Variants in MAP3K2 observed in about 807,000 individuals in gnomAD.
The protein encoded by MAP3K2 is mitogen-activated protein kinase kinase kinase 2, also known as MAP/ERK kinase kinase 2.
A neutral mutation model predicts 80.3 loss-of-function variants in MAP3K2; 24 were observed. The ratio of observed to expected loss-of-function variants is 0.30; its 90% CI spans 0.22 to 0.42. The LOEUF is 0.42. Ranked by LOEUF, MAP3K2 falls within the 10% of genes least tolerant of loss-of-function variation. The pLI is 1.00. For synonymous variants in MAP3K2, 244 were observed against 253.7 expected, an observed-to-expected ratio of 0.96 and a Z score of 0.36; for missense variants, 608 against 750.1, an observed-to-expected ratio of 0.81 and a Z score of 2.21.
chr2:127,375,365 A>G (rs1687132589), intron 1 of MAP3K2, among the ~76,000 whole-genome samples: 1 of 151,568 alleles, frequency 6.6e-6, no homozygotes. Context: ...GACACCATTC[A>G]CTCCAGATAA....
intron 1 of MAP3K2, among the ~76,000 whole-genome samples, chr2:127,372,724 G>T (rs1687086906): frequency 6.6e-6 from 1 of 152,182 alleles, no homozygotes; most frequent in South Asian, 2.1e-4. Context: ...CCTTGACATT[G>T]CTCTCTCAAA....
chr2:127,359,761 G>A (rs775965737), intron 1 of MAP3K2, among the ~76,000 whole-genome samples: 7 of 151,998 alleles, frequency 4.6e-5, no homozygotes, highest in East Asian at 1.9e-4. Flanking sequence ...CACCTCCCCC[G>A]TCTCTCTCTT....
chr2:127,307,744 T>C lies in MAP3K2; in HGVS notation c.1695A>G (p.Glu565=), dbSNP rs750993802. The C allele has an allele frequency of 1.3e-6, 2 of 1,598,784 alleles. No individual in the cohort carries two copies. Among genetic ancestry groups the C allele is most frequent in the Middle Eastern group, 1.7e-4 (1 of 6,050 alleles). ...CGATTTTAAAGATGGCAGCCATTGC[T>C]TCAAATTCAGCCCAAGGCGGCTTTT... ...LTEKPPWAEF[E]AMAAIFKIAT... is the part of the protein sequence containing the mutation. Residue 565 remains glutamate (E), a synonymous_variant, in exon 17 of 17, where the codon GAA becomes GAG. Transcript: ENST00000682094. The surrounding 1 kb of genome is among the most constrained non-coding windows in gnomAD (Gnocchi z 5.4).
intron 3 of MAP3K2, among the ~76,000 whole-genome samples, chr2:127,338,028 G>A (rs1686406254): frequency 6.6e-6 from 1 of 152,166 alleles, no homozygotes; most frequent in Non-Finnish European, 1.5e-5. Flanking sequence ...AAGGTACCAG[G>A]AGTATGAGAC....
At chr2:127,325,932 T>A in intron 8 of MAP3K2, 125 bp from the exon 9 acceptor site, 1 of 653,200 alleles carries the variant, frequency 1.5e-6, no homozygotes. Context: ...AGTATACAAG[T>A]CAAGGCTTTT....
chr2:127,298,945 T>C lies in MAP3K2; in HGVS notation c.*8634A>G, dbSNP rs1573970872. ...TAAACATGGTTTCTTTTATATTAGA[T>C]TTTTTTTTAAAAAAAAGCTATTTAC... is the stretch of plus-strand genomic sequence containing the variant. On this transcript the variant is annotated 3_prime_UTR_variant, in exon 17 of 17. Coordinates refer to ENST00000682094, the MANE Select transcript of MAP3K2 (RefSeq NM_001371910.2). 1 of 64,070 alleles carries C rather than the reference T, an allele frequency of 1.6e-5. No individual in the cohort carries two copies. The highest frequency in any genetic ancestry group is 3.7e-5 in the Non-Finnish European group (1 of 27,166). 4.0% of individuals were successfully genotyped at this position (64,070 alleles called of 1,614,324 possible).
chr2:127,341,027 T>C (rs552786120), intron 2 of MAP3K2, among the ~76,000 whole-genome samples: 14 of 152,202 alleles, frequency 9.2e-5, no homozygotes, highest in Middle Eastern at 3.4e-3. Flanking sequence ...TCTCGCTCTA[T>C]TGCCCAGGAT....
chr2:127,323,596 G>A (rs568442231), intron 11 of MAP3K2, among the ~76,000 whole-genome samples: 10 of 152,014 alleles, frequency 6.6e-5, no homozygotes, highest in African/African-American at 2.2e-4. Flanking sequence ...AGGAAGCCAA[G>A]GCAGGAAGAT....
chr2:127,337,807 A>C, intron 3 of MAP3K2, 29 bp from the exon 4 acceptor site: 2 of 1,378,280 alleles, frequency 1.5e-6, no homozygotes, highest in Non-Finnish European at 2.0e-6. Context: ...TCAGTCTTTC[A>C]GAGATTAGAC....
At position 127,307,763 on chromosome 2, in the gene MAP3K2, G is replaced by A. The variant is rs1468724553; in HGVS notation, c.1676C>T (p.Pro559Leu). ...CTVVEMLTEKPPWAEFEAMAA... is the reference protein window; with the variant it reads ...CTVVEMLTEKLPWAEFEAMAA... ...CATTGCTTCAAATTCAGCCCAAGGC[G>A]GCTTTTCAGTTAGCATTTCTACCAC... The change falls in exon 17 of 17, where the codon CCG becomes CTG. Residue 559 changes from proline (P) to leucine (L), a missense_variant. This residue lies in a region of MAP3K2 where 11 missense variants were observed against 42.2 expected (regional missense o/e 0.26). Transcript: ENST00000682094. This position sits in a 1 kb window ranked among gnomAD's most constrained non-coding sequence, Gnocchi z 5.4. The A allele has an allele frequency of 6.3e-7, 1 of 1,595,230 alleles. No individual in the cohort carries two copies. Among genetic ancestry groups the A allele is most frequent in the Non-Finnish European group, 8.5e-7 (1 of 1,170,218 alleles).
rs1048244197 is a variant in MAP3K2, at chr2:127,307,609, G to C, written c.1830C>G (p.Leu610=). 6.3e-7 allele frequency: 1 copy of C among 1,577,348 alleles called. No homozygotes were observed. The highest frequency in any genetic ancestry group is 8.6e-7 in the Non-Finnish European group (1 of 1,160,838). The part of the protein sequence containing the change: ...EAKLRPSADE[L]LRHMFVHYH ...GATAATGCACAAACATGTGCCTTAA[G>C]AGTTCATCAGCTGAAGGTCTCAGTT... Residue 610 remains leucine (L), a synonymous_variant, in exon 17 of 17, where the codon CTC becomes CTG. Transcript: ENST00000682094. This position sits in a 1 kb window ranked among gnomAD's most constrained non-coding sequence, Gnocchi z 5.4.
At chr2:127,309,965 TA>T (rs1337015256) in intron 15 of MAP3K2, among the ~76,000 whole-genome samples, 1 of 152,058 alleles carries the variant, frequency 6.6e-6, no homozygotes, top group Non-Finnish European at 1.5e-5. Context: ...AATTAAGGAG[TA>T]AAGAGTTATG....
At chr2:127,371,297 GC>G (rs1376612392) in intron 1 of MAP3K2, among the ~76,000 whole-genome samples, 1 of 152,158 alleles carries the variant, frequency 6.6e-6, no homozygotes, top group Non-Finnish European at 1.5e-5. Flanking sequence ...AGATGTAACA[GC>G]TGCTATGCTC....
chr2:127,362,157 G>A (rs1001390534), intron 1 of MAP3K2, among the ~76,000 whole-genome samples: 5 of 152,166 alleles, frequency 3.3e-5, no homozygotes, highest in Admixed American at 1.3e-4. Context: ...AATAAAGACA[G>A]CAAGAAGAGC....
chr2:127,369,544 T>C (rs981235606), intron 1 of MAP3K2, among the ~76,000 whole-genome samples: 1 of 150,842 alleles, frequency 6.6e-6, no homozygotes, highest in South Asian at 2.1e-4. Flanking sequence ...TGGAGATCTC[T>C]TTCCAAAGAC....
intron 1 of MAP3K2, among the ~76,000 whole-genome samples, chr2:127,372,527 G>A (rs1490732431): frequency 6.6e-6 from 1 of 152,150 alleles, no homozygotes; most frequent in Non-Finnish European, 1.5e-5. Flanking sequence ...TGGCATTGGG[G>A]AAGCGCACAC....
chr2:127,352,554 A>AT (rs1265417715), intron 1 of MAP3K2, among the ~76,000 whole-genome samples: 4 of 152,180 alleles, frequency 2.6e-5, no homozygotes, highest in African/African-American at 4.8e-5. Context: ...TCAAATCTGT[A>AT]TCTCCAATCT....
At chr2:127,327,003 AC>A (rs1686154976) in intron 7 of MAP3K2, among the ~76,000 whole-genome samples, 186 bp from the exon 8 acceptor site, 1 of 152,306 alleles carries the variant, frequency 6.6e-6, no homozygotes, top group Admixed American at 6.5e-5. Context: ...GTAAATTCCC[AC>A]CCTATCATAA....
chr2:127,334,774 ATTT>A (rs11378420), intron 5 of MAP3K2, among the ~76,000 whole-genome samples: 1 of 141,340 alleles, frequency 7.1e-6, no homozygotes, highest in Non-Finnish European at 1.5e-5. Flanking sequence ...TACTTTATGC[ATTT>A]TTTTTTTTTT....
Sources: gnomAD v4.1 joint callset for allele counts (sites outside exome capture counted in the v4.1 genomes callset) on GRCh38, gnomAD v4.1.1 for gene constraint, gnomAD v4.1.1 regional missense constraint, Gnocchi (gnomAD v3.1) non-coding constraint, MANE v1.5 for transcripts, NCBI Gene and HGNC (gene_info 2026-07-23, HGNC 2026-07-21) for gene names.